Variants in ENDOU observed in about 807,000 individuals in gnomAD.
ENDOU encodes endonuclease, poly(U) specific.
A neutral mutation model predicts 54.2 loss-of-function variants in ENDOU; 49 were observed. The ratio of observed to expected loss-of-function variants is 0.90; its 90% CI spans 0.72 to 1.15. The LOEUF is 1.15. Ranked by LOEUF, ENDOU falls within the 50% of genes most tolerant of loss-of-function variation. The pLI, the probability that ENDOU is intolerant of heterozygous loss-of-function variation, is 0.00. For synonymous variants in ENDOU, 172 were observed against 190.5 expected, an observed-to-expected ratio of 0.90 and a Z score of 0.80; for missense variants, 458 against 511.4, an observed-to-expected ratio of 0.90 and a Z score of 1.01.
chr12:47,717,025 T>C lies in ENDOU; in HGVS notation c.416A>G (p.Glu139Gly), dbSNP rs1400437124. 6.2e-7 allele frequency: 1 copy of C among 1,614,092 alleles called. No individual in the cohort carries two copies. Residue 139 changes from glutamate to glycine, a missense_variant, in exon 5 of 10, where the codon GAG becomes GGG. Physicochemically the swap from Glu to Gly is moderately conservative, Grantham distance 98. Transcript: ENST00000422538. ...CTTCTCAGAGATGCTCTGAATCTCC[T>C]CTTTTGTTATGGCATCACTGCTGTG... Reference protein sequence around the residue: ...VSHSSDAITKEEIQSISEKIY... With the variant: ...VSHSSDAITKGEIQSISEKIY...
Position 47,710,199 on chromosome 12 carries a change from G to C in ENDOU, c.*603C>G, listed in dbSNP as rs567890769. ...CAGCATTGGAGTTCTCCCAGACTCT[G>C]TTCTGAGAGGATCTAACTCTGGAAA... On this transcript the variant is annotated 3_prime_UTR_variant, in exon 10 of 10. Coordinates refer to ENST00000422538, the MANE Select transcript of ENDOU (RefSeq NM_001172439.2). The C allele has an allele frequency of 2.6e-5, 4 of 152,310 alleles. No individual in the cohort carries two copies. The highest frequency in any genetic ancestry group is 2.6e-4 in the Admixed American group (4 of 15,278). 9.4% of individuals were successfully genotyped at this position (152,310 alleles called of 1,614,324 possible). A position where few individuals can be genotyped will look rare whatever the true frequency, so the allele number is the denominator to read the frequency against.
chr12:47,717,177 G>C, intron 4 of ENDOU, 119 bp from the exon 5 acceptor site: 1 of 773,364 alleles, frequency 1.3e-6, no homozygotes, highest in Non-Finnish European at 2.2e-6. Context: ...AGGGAGGGGG[G>C]CCACAGTTGG....
chr12:47,714,196 G>A (rs1047139282), intron 6 of ENDOU, among the ~76,000 whole-genome samples: 3 of 152,140 alleles, frequency 2.0e-5, no homozygotes, highest in Non-Finnish European at 2.9e-5. Context: ...AAACTGAGAC[G>A]GACAAAGTAT....
At chr12:47,721,721 G>A (rs544718774) in intron 1 of ENDOU, among the ~76,000 whole-genome samples, 32 of 152,330 alleles carry the variant, frequency 2.1e-4, no homozygotes, top group Admixed American at 7.8e-4. Context: ...GCTTTTGGTC[G>A]CAAGGGACAT....
chr12:47,711,394 G>C (rs547591244), intron 9 of ENDOU, among the ~76,000 whole-genome samples: 1 of 152,154 alleles, frequency 6.6e-6, no homozygotes, highest in Non-Finnish European at 1.5e-5. Flanking sequence ...AAGGTCCTGC[G>C]TAAGATTTCA....
At chr12:47,713,803 C>T (rs975512071) in intron 6 of ENDOU, among the ~76,000 whole-genome samples, 6 of 149,658 alleles carry the variant, frequency 4.0e-5, no homozygotes, top group Non-Finnish European at 8.8e-5. Context: ...TAGCACTGAT[C>T]AGAGAGCTGA....
Position 47,711,662 on chromosome 12 carries a change from G to A in ENDOU, c.1086C>T (p.Ser362=), listed in dbSNP as rs766671020. ...TGCCTGGCCTGGCGATGAAGCACAGGGAGTAGAGTGCAAACTCAAACTCAG... is the reference window on the plus strand; with the variant it reads ...TGCCTGGCCTGGCGATGAAGCACAGAGAGTAGAGTGCAAACTCAAACTCAG... ...SSPEFEFALY[S]LCFIARPGKV... Residue 362 remains serine (S), a synonymous_variant, in exon 9 of 10, where the codon TCC becomes TCT. Transcript: ENST00000422538. The A allele has an allele frequency of 2.5e-6, 4 of 1,613,976 alleles. No individual in the cohort carries two copies. Among genetic ancestry groups the A allele is most frequent in the Non-Finnish European group, 3.4e-6 (4 of 1,179,964 alleles).
Position 47,723,194 on chromosome 12 carries a change from C to T in ENDOU, c.55+2165G>A, listed in dbSNP as rs1359021984. Among the ~76,000 whole-genome samples, 4 of 152,218 alleles carry T rather than the reference C, an allele frequency of 2.6e-5. No homozygotes were observed. In the East Asian group the frequency reaches 7.7e-4, roughly 29 times the overall value. ...CCGGCCCAAGCTGAGTGGGCTTTTT[C>T]ATCTCTGCTCAAGAACTTTGTCTCC... On this transcript the variant is annotated intron_variant, in intron 1 of 9. Coordinates refer to ENST00000422538, the MANE Select transcript of ENDOU (RefSeq NM_001172439.2).
chr12:47,710,984 A>C, intron 9 of ENDOU, 65 bp from the exon 10 acceptor site: 2 of 1,108,690 alleles, frequency 1.8e-6, no homozygotes, highest in Non-Finnish European at 2.7e-6. Context: ...CTGGGCTGGA[A>C]GGATCAAGCC....
chr12:47,720,755 G>A lies in ENDOU; in HGVS notation c.176C>T (p.Thr59Ile). The A allele has an allele frequency of 2.6e-6, 4 of 1,536,094 alleles. No homozygotes were observed. Among genetic ancestry groups the A allele is most frequent in the Non-Finnish European group, 3.5e-6 (4 of 1,146,916 alleles). ...CTTCGTCTCACAAGGAGGCTCACCA[G>A]TACACAGATGTTCATAGTCTTCACA... ...NCCEDYEHLC[T>I]EDHKESEPLP... Residue 59 changes from threonine (T) to isoleucine (I), a missense_variant and splice_region_variant, in exon 2 of 10, where the codon ACT (threonine) becomes ATT (isoleucine). By Grantham distance (89) the Thr-to-Ile change is moderately conservative. Coordinates refer to ENST00000422538, the MANE Select transcript of ENDOU (RefSeq NM_001172439.2).
chr12:47,721,863 CTG>C (rs1940445335), intron 1 of ENDOU, among the ~76,000 whole-genome samples: 1 of 152,214 alleles, frequency 6.6e-6, no homozygotes, highest in Admixed American at 6.5e-5. Context: ...AGAGGTCATA[CTG>C]TGGGTTACAG....
In ENDOU at chr12:47,710,479, G is replaced by A. The variant is rs188596428; in HGVS notation, c.*323C>T. On this transcript the variant is annotated 3_prime_UTR_variant, in exon 10 of 10. Coordinates refer to ENST00000422538, the MANE Select transcript of ENDOU (RefSeq NM_001172439.2). ...ACATTAAAGGGAAGCATGAGGCCTG[G>A]TGAGGTCAAAGGACTTCTTCCTAGT... 343 of 190,410 alleles carry A rather than the reference G, an allele frequency of 1.8e-3. 3 individuals carry two copies. The Middle Eastern group carries it at 0.04, about 22-fold the overall frequency. The allele number at this position is 190,410 out of a possible 1,614,324, so 11.8% of individuals were successfully genotyped here.
chr12:47,717,675 G>A lies in ENDOU; in HGVS notation c.245-20C>T. 1 of 1,613,086 alleles carries A rather than the reference G, an allele frequency of 6.2e-7. No individual in the cohort carries two copies. The highest frequency in any genetic ancestry group is 8.5e-7 in the Non-Finnish European group (1 of 1,179,688). ...ACAAGTCTGAGAAGAGAGGGGTGGT[G>A]TGTCCCGGGCTGACCTCTAGAGGTC... is the stretch of plus-strand genomic sequence containing the variant. On this transcript the variant is annotated intron_variant, in intron 3 of 9. Coordinates refer to ENST00000422538, the MANE Select transcript of ENDOU (RefSeq NM_001172439.2).
In ENDOU at chr12:47,711,536, C is replaced by A. The variant is rs537761296; in HGVS notation, c.1115+97G>T. ...CACAGATTTGTCCAAGCCCTCTCAG[C>A]CTCTTTGTGGCAGAGTCCAGGTCTC... is the stretch of plus-strand genomic sequence containing the variant. On this transcript the variant is annotated intron_variant, in intron 9 of 9. Transcript: ENST00000422538. The A allele has an allele frequency of 2.1e-4, 287 of 1,398,256 alleles. No individual in the cohort carries two copies. In the African/African-American group the frequency reaches 3.7e-3, roughly 18 times the overall value. The allele number at this position is 1,398,256 out of a possible 1,614,324, so 86.6% of individuals were successfully genotyped here.
chr12:47,718,937 G>A (rs1940347731), intron 2 of ENDOU, among the ~76,000 whole-genome samples: 2 of 152,082 alleles, frequency 1.3e-5, no homozygotes, highest in South Asian at 2.1e-4. Context: ...GAATCTACTA[G>A]TGAGTTTGCT....
Position 47,718,135 on chromosome 12 carries a change from C to G in ENDOU, c.238G>C (p.Ala80Pro), listed in dbSNP as rs1263630658. 3 of 1,572,848 alleles carry G rather than the reference C, an allele frequency of 1.9e-6. No homozygotes were observed. The highest frequency in any genetic ancestry group is 1.9e-5 in the Admixed American group (1 of 54,048). The change falls in exon 3 of 10, where the codon GCC becomes CCC. Residue 80 changes from alanine to proline, a missense_variant. Ala to Pro is a conservative substitution (Grantham distance 27). Transcript: ENST00000422538. ...TTTGGGGAGGCAGGCTCACTGCTGG[C>G]GAGGGCCTCTTCTGTCTCTTCCTCC... ...QLEEETEEAL[A>P]SNLYSAPTSC...
In ENDOU at chr12:47,716,456, A is replaced by C; in HGVS notation, c.595T>G (p.Tyr199Asp). ...TTGAGGAGGTTGATGAAGGCTGCAT[A>C]GGTGGGCTTGGAGAACAGCTTCTCA... ...VNEKLFSKPT[Y>D]AAFINLLNNY... is the part of the protein sequence containing the mutation. The change falls in exon 6 of 10, where the codon TAT becomes GAT. Residue 199 changes from tyrosine (Y) to aspartate (D), a missense_variant. By Grantham distance (160) the Tyr-to-Asp change is radical. Transcript: ENST00000422538. 8 of 1,614,012 alleles carry C rather than the reference A, an allele frequency of 5.0e-6. No individual in the cohort carries two copies. The highest frequency in any genetic ancestry group is 6.8e-6 in the Non-Finnish European group (8 of 1,180,036).
rs1477388833 is a variant in ENDOU at position 47,716,400 on chromosome 12, C to T, written c.651G>A (p.Glu217=). ...CGGCCAGCTCCTGGGCACTGAAGTGCTCCCCATGGCCTGTTGCCCGCTGGT... is the reference window on the plus strand; with the variant it reads ...CGGCCAGCTCCTGGGCACTGAAGTGTTCCCCATGGCCTGTTGCCCGCTGGT... ...NNYQRATGHG[E]HFSAQELAEQ... is the part of the protein sequence containing the mutation. The change falls in exon 6 of 10, where the codon GAG becomes GAA. Residue 217 remains glutamate, a synonymous_variant. Transcript: ENST00000422538. 1.2e-6 allele frequency: 2 copies of T among 1,614,150 alleles called. No individual in the cohort carries two copies. Among genetic ancestry groups the T allele is most frequent in the East Asian group, 4.5e-5 (2 of 44,886 alleles).
At chr12:47,717,410 A>T (rs1940286828) in intron 4 of ENDOU, 108 bp downstream of exon 4, 1 of 1,283,968 alleles carries the variant, frequency 7.8e-7, no homozygotes, top group East Asian at 2.3e-5. Flanking sequence ...TGTGTTTCTA[A>T]CAAGTTCTCA....
Sources: allele counts gnomAD v4.1 joint callset (sites outside exome capture counted in the v4.1 genomes callset), GRCh38; gene constraint gnomAD v4.1.1; transcripts MANE v1.5; gene names NCBI Gene and HGNC (gene_info 2026-07-23, HGNC 2026-07-21).